PCCA: variants seen among roughly 807,000 people sequenced by gnomAD.
PCCA encodes propionyl-CoA carboxylase subunit alpha.
In PCCA, 74 loss-of-function variants were observed where a neutral mutation model predicts 101.3. That is an observed-to-expected ratio of 0.73 (90% CI 0.61 to 0.89). The LOEUF is 0.89. Among genes scored for constraint, PCCA ranks in the 40% least tolerant of loss-of-function variants. The probability of loss-of-function intolerance (pLI) is 0.00; values close to 1 mark genes in which losing one functional copy is unlikely to be tolerated. For missense variants in PCCA, 891 were observed against 907.0 expected (o/e 0.98, Z 0.23); for synonymous variants, 294 against 313.6 (o/e 0.94, Z 0.66).
intron 11 of PCCA, among the ~76,000 whole-genome samples, chr13:100,269,819 T>G (rs1181114380): frequency 1.3e-5 from 2 of 152,208 alleles, no homozygotes; most frequent in Non-Finnish European, 2.9e-5. Flanking sequence ...TCTATTTTAG[T>G]TACATTGGTT....
At chr13:100,166,623 C>A (rs1309878881) in intron 6 of PCCA, among the ~76,000 whole-genome samples, 1 of 152,074 alleles carries the variant, frequency 6.6e-6, no homozygotes, top group African/African-American at 2.4e-5. Flanking sequence ...TTGCTGCATT[C>A]ATTTCTTTTT....
chr13:100,417,398 A>G lies in PCCA; in HGVS notation c.1747-8235A>G, dbSNP rs138440133. ...GTGCTCCATGTCTTTTTTGGAGTTT[A>G]CACTTTTCAAAAACAGGCGGCACTT... On this transcript the variant is annotated intron_variant, in intron 19 of 23. Coordinates refer to ENST00000376285, the MANE Select transcript of PCCA (RefSeq NM_000282.4). Among the ~76,000 whole-genome samples, 10 of 152,278 alleles carry G rather than the reference A, an allele frequency of 6.6e-5. No individual in the cohort carries two copies. The East Asian group carries it at 1.9e-3, about 29-fold the overall frequency.
intron 6 of PCCA, among the ~76,000 whole-genome samples, chr13:100,194,236 T>C (rs1308237505): frequency 6.6e-6 from 1 of 152,154 alleles, no homozygotes; most frequent in Non-Finnish European, 1.5e-5. Flanking sequence ...ATGACTCTTA[T>C]TTCTATCCAG....
At chr13:100,194,623 A>G (rs1015579127) in intron 6 of PCCA, among the ~76,000 whole-genome samples, 6 of 152,024 alleles carry the variant, frequency 3.9e-5, no homozygotes, top group East Asian at 3.9e-4. Flanking sequence ...GTTTCACCAT[A>G]TTGGCCAGGC....
intron 4 of PCCA, among the ~76,000 whole-genome samples, chr13:100,145,943 T>C (rs763853165): frequency 1.9e-5 from 2 of 105,454 alleles, no homozygotes; most frequent in Non-Finnish European, 4.6e-5. Flanking sequence ...ATAGTTTTGC[T>C]TTTTTTTTTT....
intron 20 of PCCA, among the ~76,000 whole-genome samples, chr13:100,433,766 T>C (rs2079731253): frequency 6.6e-6 from 1 of 152,208 alleles, no homozygotes; most frequent in African/African-American, 2.4e-5. Flanking sequence ...CTTTATATTG[T>C]AGGGGCAAAA....
At chr13:100,350,213 A>G (rs1419698034) in intron 18 of PCCA, among the ~76,000 whole-genome samples, 1 of 152,234 alleles carries the variant, frequency 6.6e-6, no homozygotes, top group African/African-American at 2.4e-5. Context: ...TCTGAATTAA[A>G]AGAGCATGTG....
intron 17 of PCCA, among the ~76,000 whole-genome samples, chr13:100,336,539 G>A (rs1264784882): frequency 2.0e-5 from 3 of 152,140 alleles, no homozygotes; most frequent in African/African-American, 7.2e-5. Context: ...ACATTGTTTA[G>A]GGGTTGGGAC....
chr13:100,205,489 C>A (rs1240373692), intron 6 of PCCA, among the ~76,000 whole-genome samples: 1 of 136,952 alleles, frequency 7.3e-6, no homozygotes, highest in African/African-American at 2.7e-5. Context: ...GGCTATTTTT[C>A]TTTTGTATTG....
At chr13:100,171,159 A>G (rs2055596321) in intron 6 of PCCA, among the ~76,000 whole-genome samples, 3 of 152,232 alleles carry the variant, frequency 2.0e-5, no homozygotes, top group Admixed American at 2.0e-4. Flanking sequence ...AAAATGTAAA[A>G]CATTTCTACT....
chr13:100,356,452 A>G (rs2073964461), intron 18 of PCCA, among the ~76,000 whole-genome samples: 1 of 152,194 alleles, frequency 6.6e-6, no homozygotes, highest in Admixed American at 6.5e-5. Flanking sequence ...GGACATGAAT[A>G]AAAATTTTTC....
At chr13:100,318,013 A>G (rs2067560349) in intron 16 of PCCA, among the ~76,000 whole-genome samples, 1 of 152,022 alleles carries the variant, frequency 6.6e-6, no homozygotes, top group Non-Finnish European at 1.5e-5. Context: ...TTTTCAGCAT[A>G]TCTCCGCAAT....
chr13:100,505,314 G>T (rs117666952), intron 21 of PCCA, among the ~76,000 whole-genome samples: 1 of 152,116 alleles, frequency 6.6e-6, no homozygotes, highest in Non-Finnish European at 1.5e-5. Context: ...AATGGTTTTT[G>T]AATGAATTAA....
chr13:100,285,271 A>T (rs112554507), intron 12 of PCCA, among the ~76,000 whole-genome samples: 233 of 152,306 alleles, frequency 1.5e-3, no homozygotes, highest in African/African-American at 5.4e-3. Context: ...TCTGGTGGGA[A>T]TCAGAGGCAG....
intron 12 of PCCA, among the ~76,000 whole-genome samples, chr13:100,294,172 G>T (rs1222610376): frequency 2.6e-5 from 4 of 152,144 alleles, no homozygotes; most frequent in Non-Finnish European, 5.9e-5. Flanking sequence ...TCTGTGCCTT[G>T]TGTTGTCTGG....
At chr13:100,094,563 C>T (rs543208612) in intron 1 of PCCA, among the ~76,000 whole-genome samples, 27 of 152,208 alleles carry the variant, frequency 1.8e-4, no homozygotes, top group South Asian at 4.2e-4. Context: ...AAACCTAATA[C>T]AGCATCCATG....
chr13:100,145,985 G>A (rs151204739), intron 4 of PCCA, among the ~76,000 whole-genome samples: 1 of 147,630 alleles, frequency 6.8e-6, no homozygotes, highest in Non-Finnish European at 1.5e-5. Flanking sequence ...CGCCCAGGCT[G>A]GAGTGCGCTG....
At chr13:100,398,569 G>GA (rs1004638134) in intron 19 of PCCA, among the ~76,000 whole-genome samples, 1 of 152,038 alleles carries the variant, frequency 6.6e-6, no homozygotes, top group African/African-American at 2.4e-5. Flanking sequence ...GTGGAAAAGG[G>GA]AAAAAAATCA....
intron 16 of PCCA, among the ~76,000 whole-genome samples, chr13:100,322,742 C>G (rs1207708262): frequency 6.6e-6 from 1 of 151,756 alleles, no homozygotes; most frequent in Non-Finnish European, 1.5e-5. Flanking sequence ...AGCTAATTTT[C>G]TGTTTTTATT....
Sources: gnomAD v4.1 joint callset for allele counts (sites outside exome capture counted in the v4.1 genomes callset) on GRCh38, gnomAD v4.1.1 for gene constraint, MANE v1.5 for transcripts, NCBI Gene and HGNC (gene_info 2026-07-23, HGNC 2026-07-21) for gene names.